Variants in CNTN1 observed in about 807,000 individuals in gnomAD.
CNTN1 encodes the protein contactin-1.
Under a neutral mutation model 126.4 loss-of-function variants are expected in CNTN1, and 38 were observed. The observed-to-expected ratio is 0.30, with a 90% CI of 0.23 to 0.39. The LOEUF is 0.39. Among genes scored for constraint, CNTN1 ranks in the 10% least tolerant of loss-of-function variants. CNTN1 has a pLI of 1.00. For synonymous variants in CNTN1, 413 were observed against 422.6 expected, an observed-to-expected ratio of 0.98 and a Z score of 0.28; for missense variants, 1,009 against 1,248.4, an observed-to-expected ratio of 0.81 and a Z score of 2.89.
intron 23 of CNTN1, among the ~76,000 whole-genome samples, chr12:41,059,644 G>A (rs1173276750): frequency 6.6e-6 from 1 of 152,082 alleles, no homozygotes; most frequent in Non-Finnish European, 1.5e-5. Context: ...TACTTTAACT[G>A]TATCTTATAA....
chr12:41,058,652 A>G (rs1020193511), intron 23 of CNTN1, among the ~76,000 whole-genome samples: 1 of 152,166 alleles, frequency 6.6e-6, no homozygotes, highest in Non-Finnish European at 1.5e-5. Context: ...GTTTAACACC[A>G]TGAAACTATG....
intron 23 of CNTN1, among the ~76,000 whole-genome samples, chr12:41,059,043 T>C (rs902659044): frequency 6.6e-5 from 10 of 152,054 alleles, no homozygotes; most frequent in African/African-American, 1.9e-4. Flanking sequence ...GATAGATGGA[T>C]GACACTGAAT....
At chr12:40,860,280 T>C (rs570771010) in intron 1 of CNTN1, among the ~76,000 whole-genome samples, 37 of 152,288 alleles carry the variant, frequency 2.4e-4, no homozygotes, top group African/African-American at 8.7e-4. Flanking sequence ...TAATTTTTAA[T>C]ATTTTGTCTG....
intron 3 of CNTN1, among the ~76,000 whole-genome samples, chr12:40,911,193 G>A (rs1945016033): frequency 6.6e-6 from 1 of 152,128 alleles, no homozygotes; most frequent in Non-Finnish European, 1.5e-5. Context: ...CCATTCTCCT[G>A]CCTCAGCCTC....
chr12:40,895,768 T>G (rs926839542), intron 1 of CNTN1, among the ~76,000 whole-genome samples: 1 of 149,954 alleles, frequency 6.7e-6, no homozygotes, highest in Non-Finnish European at 1.5e-5. Flanking sequence ...TTTTTTTTTT[T>G]TTTTTTTGAG....
At chr12:40,999,941 C>T (rs568094487) in intron 17 of CNTN1, among the ~76,000 whole-genome samples, 3 of 151,830 alleles carry the variant, frequency 2.0e-5, no homozygotes, top group African/African-American at 7.3e-5. Context: ...CTCCTGACCT[C>T]GTGATCCGCC....
At chr12:40,949,616 T>C (rs1208854964) in intron 14 of CNTN1, among the ~76,000 whole-genome samples, 2 of 145,286 alleles carry the variant, frequency 1.4e-5, no homozygotes, top group Non-Finnish European at 3.0e-5. Context: ...TTAGCTCTTG[T>C]TGCCCAGGCT....
At chr12:40,872,681 C>T (rs1175062336) in intron 1 of CNTN1, among the ~76,000 whole-genome samples, 1 of 149,492 alleles carries the variant, frequency 6.7e-6, no homozygotes, top group Non-Finnish European at 1.5e-5. Flanking sequence ...AGCAATTCTC[C>T]TGCCTCAGCC....
chr12:40,950,100 GTGTGTGT>G lies in CNTN1; in HGVS notation c.1683+5931_1683+5937del, dbSNP rs1946613467. On this transcript the variant is annotated intron_variant, in intron 14 of 23. Coordinates refer to ENST00000551295, the MANE Select transcript of CNTN1 (RefSeq NM_001843.4). ...ACAACTGTAGAGGTGTTGAGAGGGT[GTGTGTGT>G]GTGTGTGTGTGTGTGTGTGTGTGTG... 3.0e-3 allele frequency among the ~76,000 whole-genome samples: 23 copies of G among 7,614 alleles called. 1 individual carries two copies. The South Asian group carries it at 0.046, about 15-fold the overall frequency. The allele number at this position is 7,614 out of a possible 152,430, so 5.0% of individuals were successfully genotyped here.
chr12:40,725,337 G>T (rs11178083), intron 1 of CNTN1, among the ~76,000 whole-genome samples: 33 of 145,416 alleles, frequency 2.3e-4, no homozygotes, highest in Non-Finnish European at 4.4e-4. Flanking sequence ...AGAGGCAGAG[G>T]TTGCGGTGAG....
chr12:40,716,487 A>G (rs1942053404), intron 1 of CNTN1, among the ~76,000 whole-genome samples: 3 of 152,194 alleles, frequency 2.0e-5, no homozygotes, highest in Non-Finnish European at 4.4e-5. Flanking sequence ...GTCCCATGTA[A>G]GGAGGAATGT....
chr12:40,808,649 A>G (rs1211413660), intron 1 of CNTN1, among the ~76,000 whole-genome samples: 1 of 152,196 alleles, frequency 6.6e-6, no homozygotes, highest in Admixed American at 6.5e-5. Flanking sequence ...TGAAATTAAA[A>G]TAGGCTCTTC....
chr12:40,751,129 A>G (rs1938391425), intron 1 of CNTN1, among the ~76,000 whole-genome samples: 1 of 152,106 alleles, frequency 6.6e-6, no homozygotes, highest in Non-Finnish European at 1.5e-5. Flanking sequence ...TAGGATGAAG[A>G]CCAAAAAGAG....
At chr12:40,801,894 A>C (rs920927516) in intron 1 of CNTN1, among the ~76,000 whole-genome samples, 1 of 151,700 alleles carries the variant, frequency 6.6e-6, no homozygotes, top group Non-Finnish European at 1.5e-5. Context: ...TTATAAGGCT[A>C]TTTCAGGAGT....
intron 1 of CNTN1, among the ~76,000 whole-genome samples, chr12:40,877,469 C>CG (rs1261296214): frequency 6.6e-6 from 1 of 152,148 alleles, no homozygotes; most frequent in Non-Finnish European, 1.5e-5. Flanking sequence ...TTGCACATTA[C>CG]AGAAAGTCTA....
intron 17 of CNTN1, among the ~76,000 whole-genome samples, chr12:41,010,319 G>T (rs766021463): frequency 6.6e-6 from 1 of 152,148 alleles, no homozygotes; most frequent in African/African-American, 2.4e-5. Context: ...CCTTCCACAG[G>T]CTAGACAAGG....
At chr12:41,053,428 AATATATATATAT>A (rs66808071) in intron 23 of CNTN1, among the ~76,000 whole-genome samples, 1,552 of 64,122 alleles carry the variant, frequency 0.024, 101 homozygotes, top group Admixed American at 0.035. Context: ...GTTTTCACTA[AATATATATATAT>A]ATATATATAT....
intron 23 of CNTN1, among the ~76,000 whole-genome samples, chr12:41,067,576 A>G (rs993522001): frequency 7.6e-6 from 1 of 131,534 alleles, no homozygotes; most frequent in African/African-American, 2.8e-5. Flanking sequence ...ATGAGATCAC[A>G]TGGACACAGG....
intron 1 of CNTN1, among the ~76,000 whole-genome samples, chr12:40,838,838 A>G (rs1181757473): frequency 6.6e-6 from 1 of 151,576 alleles, no homozygotes; most frequent in East Asian, 1.9e-4. Flanking sequence ...GCAGATATCA[A>G]TGCAAGGATA....
Sources: gnomAD v4.1 joint callset for allele counts (sites outside exome capture counted in the v4.1 genomes callset) on GRCh38, gnomAD v4.1.1 for gene constraint, MANE v1.5 for transcripts, NCBI Gene and HGNC (gene_info 2026-07-23, HGNC 2026-07-21) for gene names.